PTPN13: variants seen among roughly 807,000 people sequenced by gnomAD.
The protein encoded by PTPN13 is tyrosine-protein phosphatase non-receptor type 13.
Under a neutral mutation model 284.0 loss-of-function variants are expected in PTPN13, and 191 were observed. The observed-to-expected ratio is 0.67, with a 90% CI of 0.60 to 0.76. The LOEUF (loss-of-function observed/expected upper bound fraction) is 0.76, where lower values mean the gene tolerates loss of function less well. Ranked by LOEUF, PTPN13 falls within the 30% of genes least tolerant of loss-of-function variation. The pLI is 0.00. For synonymous variants in PTPN13, 986 were observed against 1,022.3 expected (o/e 0.96, Z 0.68); for missense variants, 2,797 against 2,939.9 (o/e 0.95, Z 1.12).
chr4:86,617,904 T>A (rs954017844), intron 1 of PTPN13, among the ~76,000 whole-genome samples: 8 of 151,544 alleles, frequency 5.3e-5, no homozygotes, highest in Non-Finnish European at 1.0e-4. Flanking sequence ...TAGTTTCTTT[T>A]GCTGTGCAGA....
intron 10 of PTPN13, 142 bp from the exon 11 acceptor site, chr4:86,732,258 A>G: frequency 7.7e-6 from 5 of 649,266 alleles, no homozygotes; most frequent in East Asian, 2.8e-5. Context: ...GAAAGCTTCA[A>G]CGTTTGTTTT....
At chr4:86,674,533 T>A (rs539295520) in intron 3 of PTPN13, among the ~76,000 whole-genome samples, 23 of 152,336 alleles carry the variant, frequency 1.5e-4, no homozygotes, top group African/African-American at 5.0e-4. Flanking sequence ...CAATTATGTA[T>A]CTGAAAAAAG....
chr4:86,763,827 C>T (rs1488590722), intron 24 of PTPN13, among the ~76,000 whole-genome samples: 1 of 152,066 alleles, frequency 6.6e-6, no homozygotes, highest in East Asian at 1.9e-4. Flanking sequence ...GGGAGGATCG[C>T]TTAAGCCCAG....
At chr4:86,732,527 T>A in intron 11 of PTPN13, 53 bp downstream of exon 11, 1 of 1,595,618 alleles carries the variant, frequency 6.3e-7, no homozygotes, top group Non-Finnish European at 8.6e-7. Flanking sequence ...TCAGTAGTGT[T>A]AAAAACCAGT....
Position 86,814,466 on chromosome 4 carries a change from T to C in PTPN13, c.7373T>C (p.Ile2458Thr). 2 of 1,610,662 alleles carry C rather than the reference T, an allele frequency of 1.2e-6. No homozygotes were observed. Among genetic ancestry groups the C allele is most frequent in the Non-Finnish European group, 1.7e-6 (2 of 1,177,368 alleles). ...HGMVQTEDQYIFCYQVILYVL... is the reference protein window; with the variant it reads ...HGMVQTEDQYTFCYQVILYVL... The stretch of plus-strand genomic sequence containing the variant: ...TTTTTTTGGCCATAGGATCAATATA[T>C]TTTCTGCTATCAAGTCATCCTTTAT... Residue 2458 changes from isoleucine (I) to threonine (T), a missense_variant, in exon 48 of 48, where the codon ATT (isoleucine) becomes ACT (threonine). By Grantham distance (89) the Ile-to-Thr change is moderately conservative. Coordinates refer to ENST00000411767, the MANE Select transcript of PTPN13 (RefSeq NM_080683.3).
At chr4:86,614,493 A>C (rs1720317959) in intron 1 of PTPN13, among the ~76,000 whole-genome samples, 1 of 152,170 alleles carries the variant, frequency 6.6e-6, no homozygotes, top group Non-Finnish European at 1.5e-5. Flanking sequence ...TTGACTTCTA[A>C]AAATTTCCTT....
intron 1 of PTPN13, among the ~76,000 whole-genome samples, chr4:86,616,269 T>C (rs113860369): frequency 6.6e-6 from 1 of 152,184 alleles, no homozygotes; most frequent in African/African-American, 2.4e-5. Flanking sequence ...CATGAAGTGT[T>C]ATGTAATTGG....
At chr4:86,707,074 T>C (rs188422635) in intron 7 of PTPN13, among the ~76,000 whole-genome samples, 91 of 152,318 alleles carry the variant, frequency 6.0e-4, no homozygotes, top group Non-Finnish European at 1.1e-3. Context: ...TCCATTGCTC[T>C]GTGGGTTGGC....
intron 30 of PTPN13, among the ~76,000 whole-genome samples, chr4:86,770,952 C>CA (rs377046685): frequency 1.3e-5 from 2 of 152,078 alleles, no homozygotes; most frequent in Admixed American, 6.5e-5. Context: ...GAGTATGAGA[C>CA]AAAATATATA....
intron 1 of PTPN13, among the ~76,000 whole-genome samples, chr4:86,608,586 T>C (rs1485895986): frequency 6.6e-6 from 1 of 152,140 alleles, no homozygotes; most frequent in Non-Finnish European, 1.5e-5. Flanking sequence ...TAAATACTAC[T>C]GTTATCTTCC....
intron 28 of PTPN13, among the ~76,000 whole-genome samples, chr4:86,769,032 AT>A (rs966910457): frequency 3.1e-4 from 47 of 149,998 alleles, no homozygotes; most frequent in Middle Eastern, 3.4e-3. Context: ...CTTTAAATAG[AT>A]TTTTTTTTTA....
intron 1 of PTPN13, among the ~76,000 whole-genome samples, chr4:86,625,394 A>AT (rs1196664922): frequency 6.6e-6 from 1 of 151,960 alleles, no homozygotes; most frequent in Non-Finnish European, 1.5e-5. Context: ...CTCCTCCCTC[A>AT]TCCCAACCTT....
At chr4:86,805,182 T>C in intron 43 of PTPN13, 97 bp from the exon 44 acceptor site, 1 of 676,944 alleles carries the variant, frequency 1.5e-6, no homozygotes, top group Non-Finnish European at 2.5e-6. Flanking sequence ...GAATCAGCCT[T>C]AATCAACCAA....
chr4:86,634,180 T>A (rs1722767234), intron 1 of PTPN13, among the ~76,000 whole-genome samples: 3 of 152,198 alleles, frequency 2.0e-5, no homozygotes, highest in Admixed American at 6.5e-5. Flanking sequence ...CTAAAACAGA[T>A]GTTTTTATAG....
At chr4:86,786,785 A>G (rs1186973763) in intron 40 of PTPN13, among the ~76,000 whole-genome samples, 1 of 152,172 alleles carries the variant, frequency 6.6e-6, no homozygotes, top group East Asian at 1.9e-4. Flanking sequence ...CTAAGAAAAT[A>G]AAAATCTTTA....
chr4:86,751,016 T>G lies in PTPN13; in HGVS notation c.3069-11T>G, dbSNP rs1472800607. The stretch of plus-strand genomic sequence containing the variant: ...TAACACTTCCCTCCTACCTTCCTTT[T>G]CCCTCTTCAGTTCAAAGTCTGTTGC... On this transcript the variant is annotated splice_polypyrimidine_tract_variant and intron_variant, in intron 18 of 47. Transcript: ENST00000411767. The G allele has an allele frequency of 6.3e-7, 1 of 1,593,242 alleles. No individual in the cohort carries two copies. Among genetic ancestry groups the G allele is most frequent in the East Asian group, 2.2e-5 (1 of 44,726 alleles).
Position 86,771,196 on chromosome 4 carries a change from T to G in PTPN13, c.4829T>G (p.Val1610Gly). 6.2e-7 allele frequency: 1 copy of G among 1,611,890 alleles called. No individual in the cohort carries two copies. Among genetic ancestry groups the G allele is most frequent in the Non-Finnish European group, 8.5e-7 (1 of 1,178,910 alleles). Reference protein sequence around the residue: ...LLTPLQSPAQVLPNSSKDSSQ... With the variant: ...LLTPLQSPAQGLPNSSKDSSQ... ...ACCCCACTTCAGTCTCCAGCACAAG[T>G]ACTTCCAAACAGCAGTAAAGACTCT... Residue 1610 changes from valine to glycine, a missense_variant, in exon 31 of 48, where the codon GTA becomes GGA. Transcript: ENST00000411767.
chr4:86,602,450 T>C (rs1483147980), intron 1 of PTPN13, among the ~76,000 whole-genome samples: 1 of 152,004 alleles, frequency 6.6e-6, no homozygotes. Context: ...TTAGCTATTA[T>C]TATTTTTAGT....
chr4:86,759,895 T>C (rs1277449628), intron 23 of PTPN13, among the ~76,000 whole-genome samples: 1 of 152,172 alleles, frequency 6.6e-6, no homozygotes, highest in Non-Finnish European at 1.5e-5. Flanking sequence ...TTCAAAAACA[T>C]TGAAGTGCTA....
Sources: gnomAD v4.1 joint callset for allele counts (sites outside exome capture counted in the v4.1 genomes callset) on GRCh38, gnomAD v4.1.1 for gene constraint, MANE v1.5 for transcripts, NCBI Gene and HGNC (gene_info 2026-07-23, HGNC 2026-07-21) for gene names.